Variants in PRKG1 observed in about 807,000 individuals in gnomAD.
PRKG1 encodes protein kinase cGMP-dependent 1.
A neutral mutation model predicts 88.1 loss-of-function variants in PRKG1; 35 were observed. The observed-to-expected ratio is 0.40, with a 90% CI of 0.30 to 0.53. The LOEUF is 0.53. PRKG1 is among the 20% of genes least tolerant of loss of function. PRKG1 has a pLI of 0.59. For missense variants in PRKG1, 540 were observed against 839.8 expected (o/e 0.64, Z 4.41); for synonymous variants, 303 against 292.5 (o/e 1.04, Z -0.37).
At chr10:51,256,925 G>A (rs565612336) in intron 2 of PRKG1, among the ~76,000 whole-genome samples, 4 of 152,056 alleles carry the variant, frequency 2.6e-5, no homozygotes, top group Non-Finnish European at 2.9e-5. Flanking sequence ...ACCATGTGTA[G>A]AATGGGATGT....
chr10:51,162,784 T>C (rs1846398409), intron 2 of PRKG1, among the ~76,000 whole-genome samples: 1 of 152,206 alleles, frequency 6.6e-6, no homozygotes, highest in African/African-American at 2.4e-5. Context: ...AGTGGCTGGA[T>C]CATAGCTCAC....
At chr10:51,006,502 A>T (rs1455915070) in intron 1 of PRKG1, among the ~76,000 whole-genome samples, 1 of 152,236 alleles carries the variant, frequency 6.6e-6, no homozygotes, top group Non-Finnish European at 1.5e-5. Context: ...TAACCCTGTG[A>T]CAGGAATGGG....
intron 5 of PRKG1, among the ~76,000 whole-genome samples, chr10:52,020,157 G>A (rs1448320850): frequency 6.6e-6 from 1 of 151,804 alleles, no homozygotes; most frequent in Non-Finnish European, 1.5e-5. Context: ...GAGGGTAAAT[G>A]AGACCATACA....
At chr10:51,488,674 C>A (rs536702586) in intron 3 of PRKG1, among the ~76,000 whole-genome samples, 3 of 152,070 alleles carry the variant, frequency 2.0e-5, no homozygotes, top group Admixed American at 1.3e-4. Context: ...AGAATGTGAA[C>A]GCTATGTGGC....
At chr10:51,889,464 G>A (rs1437049130) in intron 4 of PRKG1, among the ~76,000 whole-genome samples, 3 of 152,026 alleles carry the variant, frequency 2.0e-5, no homozygotes, top group African/African-American at 7.2e-5. Flanking sequence ...TATCATTGAT[G>A]GACATTTGAG....
At chr10:51,209,639 T>G (rs1342379724) in intron 2 of PRKG1, among the ~76,000 whole-genome samples, 4 of 152,184 alleles carry the variant, frequency 2.6e-5, no homozygotes, top group African/African-American at 9.7e-5. Flanking sequence ...TTTGGAATAT[T>G]ATTCTTGCTG....
At chr10:51,402,582 T>A (rs1837781118) in intron 2 of PRKG1, among the ~76,000 whole-genome samples, 1 of 152,212 alleles carries the variant, frequency 6.6e-6, no homozygotes, top group African/African-American at 2.4e-5. Context: ...TTTTATATGC[T>A]GACTGTATTA....
At chr10:52,133,199 G>A (rs569436518) in intron 7 of PRKG1, among the ~76,000 whole-genome samples, 11 of 152,144 alleles carry the variant, frequency 7.2e-5, no homozygotes, top group African/African-American at 1.2e-4. Flanking sequence ...ATTTTCAAAG[G>A]TTTAAGAGAT....
intron 3 of PRKG1, among the ~76,000 whole-genome samples, chr10:51,730,490 T>A (rs1842246317): frequency 6.6e-6 from 1 of 152,182 alleles, no homozygotes; most frequent in Non-Finnish European, 1.5e-5. Flanking sequence ...AACATAGCTT[T>A]TTTTCTTTCT....
At chr10:51,282,412 G>A (rs1840324656) in intron 2 of PRKG1, among the ~76,000 whole-genome samples, 1 of 152,082 alleles carries the variant, frequency 6.6e-6, no homozygotes, top group South Asian at 2.1e-4. Context: ...GAGAACTGAA[G>A]TCTCAGGAGT....
At chr10:51,032,585 C>T (rs1321743712) in intron 1 of PRKG1, among the ~76,000 whole-genome samples, 1 of 151,954 alleles carries the variant, frequency 6.6e-6, no homozygotes, top group Non-Finnish European at 1.5e-5. Flanking sequence ...ATGGCAAAAC[C>T]CCGTCTCTAC....
intron 7 of PRKG1, among the ~76,000 whole-genome samples, chr10:52,092,324 T>C (rs1232140354): frequency 1.3e-5 from 2 of 152,198 alleles, no homozygotes; most frequent in Admixed American, 1.3e-4. Flanking sequence ...AAATTTCCTA[T>C]GCTTTTTGTT....
chr10:52,193,261 C>T (rs375770887), intron 9 of PRKG1, among the ~76,000 whole-genome samples: 12 of 152,074 alleles, frequency 7.9e-5, no homozygotes, highest in African/African-American at 2.6e-4. Flanking sequence ...TTCTAAATGT[C>T]GGGCCGGGCG....
rs137973378 is a variant in PRKG1, at chr10:51,659,300, T to C, written c.593-145285T>C. On this transcript the variant is annotated intron_variant, in intron 3 of 17. Transcript: ENST00000373980. ...ACAGGGATGACAGTTCGCTCAAATG[T>C]GCTACAGAGGGTAATCATTGTGATC... Among the ~76,000 whole-genome samples, 1,413 of 152,180 alleles carry C rather than the reference T, an allele frequency of 9.3e-3. 18 individuals are homozygous for C. Among genetic ancestry groups the C allele is most frequent in the African/African-American group, 0.032 (1,339 of 41,544 alleles).
intron 9 of PRKG1, among the ~76,000 whole-genome samples, chr10:52,181,419 CTTTTT>C (rs761799361): frequency 1.5e-3 from 85 of 55,052 alleles, no homozygotes; most frequent in African/African-American, 4.7e-3. Context: ...CACAGCTCTT[CTTTTT>C]TTTTTTTTTT....
chr10:51,761,644 G>T (rs1268723885), intron 3 of PRKG1, among the ~76,000 whole-genome samples: 2 of 152,164 alleles, frequency 1.3e-5, no homozygotes, highest in African/African-American at 4.8e-5. Context: ...AATGTAGAAT[G>T]AATATTATTA....
intron 1 of PRKG1, among the ~76,000 whole-genome samples, chr10:51,107,498 T>C (rs895260802): frequency 4.0e-5 from 6 of 151,692 alleles, no homozygotes; most frequent in Non-Finnish European, 7.4e-5. Flanking sequence ...AAAAACAATA[T>C]AAAAAATCAA....
chr10:51,085,104 C>T (rs1331737926), intron 1 of PRKG1, among the ~76,000 whole-genome samples: 2 of 152,118 alleles, frequency 1.3e-5, no homozygotes, highest in Admixed American at 6.5e-5. Context: ...AGTTTTGCTC[C>T]TCTGGAGTAA....
intron 5 of PRKG1, among the ~76,000 whole-genome samples, chr10:51,956,825 C>T (rs182635453): frequency 6.6e-5 from 10 of 152,132 alleles, no homozygotes; most frequent in Admixed American, 3.9e-4. Flanking sequence ...TGTAAATCAT[C>T]AAATTCTTTA....
Sources: gnomAD v4.1 joint callset for allele counts (sites outside exome capture counted in the v4.1 genomes callset) on GRCh38, gnomAD v4.1.1 for gene constraint, MANE v1.5 for transcripts, NCBI Gene and HGNC (gene_info 2026-07-23, HGNC 2026-07-21) for gene names.